SUGCT: variants seen among roughly 807,000 people sequenced by gnomAD.
The protein encoded by SUGCT is succinyl-CoA:glutarate-CoA transferase.
SUGCT carries 41 observed loss-of-function variants against 55.0 expected under a neutral mutation model. The ratio of observed to expected loss-of-function variants is 0.74; its 90% CI spans 0.58 to 0.97. The LOEUF (loss-of-function observed/expected upper bound fraction) is 0.97, where lower values mean the gene tolerates loss of function less well. Among genes scored for constraint, SUGCT ranks in the 50% least tolerant of loss-of-function variants. SUGCT has a pLI of 0.00. For synonymous variants in SUGCT, 187 were observed against 200.4 expected, an observed-to-expected ratio of 0.93 and a Z score of 0.56; for missense variants, 568 against 547.8, an observed-to-expected ratio of 1.04 and a Z score of -0.37.
chr7:40,291,798 G>T (rs1171419818), intron 8 of SUGCT, among the ~76,000 whole-genome samples: 1 of 152,102 alleles, frequency 6.6e-6, no homozygotes, highest in East Asian at 1.9e-4. Flanking sequence ...GATTAGAGGG[G>T]AGTCTTATAG....
rs530455909 is a variant in SUGCT at position 40,377,128 on chromosome 7, C to CTCTTTCTTTCTT, written c.816+60335_816+60346dup. 1.3e-3 allele frequency among the ~76,000 whole-genome samples: 8 copies of CTCTTTCTTTCTT among 6,324 alleles called. 1 individual carries two copies. Among genetic ancestry groups the CTCTTTCTTTCTT allele is most frequent in the African/African-American group, 2.1e-3 (8 of 3,882 alleles). 4.1% of individuals were successfully genotyped at this position (6,324 alleles called of 152,430 possible). ...CTTGGAAAGGAAATTTTCAGCCTTC[C>CTCTTTCTTTCTT]TCTTTCTTTCTTTCTTTCTTTCTTT... On this transcript the variant is annotated intron_variant, in intron 9 of 13. Transcript: ENST00000335693.
At chr7:40,562,210 A>G (rs1320323186) in intron 12 of SUGCT, among the ~76,000 whole-genome samples, 14 of 151,502 alleles carry the variant, frequency 9.2e-5, no homozygotes, top group Non-Finnish European at 2.1e-4. Context: ...GAGGCAGGAG[A>G]ATGGCGTGAG....
chr7:40,141,710 C>CTT (rs61007273), intron 1 of SUGCT: 6,705 of 150,080 alleles, frequency 0.045, 216 homozygotes, highest in Middle Eastern at 0.07. Context: ...AGAGGGAATT[C>CTT]TTTTTTTTTT....
At chr7:40,571,822 A>T (rs1796467188) in intron 12 of SUGCT, among the ~76,000 whole-genome samples, 1 of 152,204 alleles carries the variant, frequency 6.6e-6, no homozygotes, top group Admixed American at 6.5e-5. Context: ...TTATGTAGGA[A>T]TGTGTAAAAT....
At chr7:40,465,039 G>C (rs983140717) in intron 11 of SUGCT, among the ~76,000 whole-genome samples, 1 of 152,136 alleles carries the variant, frequency 6.6e-6, no homozygotes, top group African/African-American at 2.4e-5. Flanking sequence ...CCTAGTGAAG[G>C]CATTTGTAAA....
intron 9 of SUGCT, among the ~76,000 whole-genome samples, chr7:40,386,181 A>G (rs927477803): frequency 4.6e-5 from 7 of 152,334 alleles, no homozygotes; most frequent in African/African-American, 1.2e-4. Context: ...CCAGGAGTGC[A>G]CAGCTAGGAC....
the SUGCT span, among the ~76,000 whole-genome samples, chr7:40,867,913 C>T: frequency 2.6e-5 from 4 of 152,148 alleles, no homozygotes; most frequent in African/African-American, 9.7e-5. Context: ...TTGTGGGTAT[C>T]GTAGTCACTA....
At chr7:40,912,721 A>G in the SUGCT span, among the ~76,000 whole-genome samples, 2 of 150,742 alleles carry the variant, frequency 1.3e-5, no homozygotes, top group Admixed American at 6.7e-5. Context: ...ACTACATGAC[A>G]CAGTAGTCTG....
At chr7:40,195,708 CTTTTTTTT>C (rs928397687) in intron 6 of SUGCT, among the ~76,000 whole-genome samples, 5 of 69,404 alleles carry the variant, frequency 7.2e-5, no homozygotes, top group African/African-American at 1.2e-4. Flanking sequence ...GAAAACAATT[CTTTTTTTT>C]TTTTTTTTTT....
chr7:40,937,819 G>A, the SUGCT span, among the ~76,000 whole-genome samples: 3 of 151,934 alleles, frequency 2.0e-5, no homozygotes, highest in African/African-American at 7.2e-5. Context: ...ATACACTAAC[G>A]GTCCCCAACC....
At chr7:40,643,627 C>T (rs925141962) in intron 12 of SUGCT, among the ~76,000 whole-genome samples, 1 of 152,206 alleles carries the variant, frequency 6.6e-6, no homozygotes, top group East Asian at 1.9e-4. Context: ...AATCTCTAGG[C>T]CTTCTCCTAG....
At chr7:40,571,005 A>G (rs10429076) in intron 12 of SUGCT, among the ~76,000 whole-genome samples, 38,878 of 151,402 alleles carry the variant, frequency 0.26, 7,041 homozygotes, top group African/African-American at 0.51. Flanking sequence ...GATTACAGGC[A>G]CCTGCCACAG....
At chr7:40,224,790 G>A (rs990674284) in intron 6 of SUGCT, among the ~76,000 whole-genome samples, 3 of 152,124 alleles carry the variant, frequency 2.0e-5, no homozygotes, top group African/African-American at 7.2e-5. Context: ...AGATCAGACC[G>A]GACCTCTTTT....
intron 1 of SUGCT, among the ~76,000 whole-genome samples, chr7:40,179,224 C>G (rs1785065404): frequency 6.6e-6 from 1 of 152,046 alleles, no homozygotes; most frequent in Admixed American, 6.6e-5. Flanking sequence ...ACAAACCACT[C>G]CAAAACTTAG....
At chr7:40,156,321 G>A (rs956818352) in intron 1 of SUGCT, among the ~76,000 whole-genome samples, 2 of 152,070 alleles carry the variant, frequency 1.3e-5, no homozygotes, top group Non-Finnish European at 1.5e-5. Context: ...AAATTAGCCC[G>A]GCGTGGTGAA....
chr7:40,202,039 T>C (rs1786637532), intron 6 of SUGCT, among the ~76,000 whole-genome samples: 1 of 152,146 alleles, frequency 6.6e-6, no homozygotes, highest in Non-Finnish European at 1.5e-5. Context: ...AGTGGTGCGA[T>C]CTCGGCTCAC....
At chr7:40,455,651 A>G (rs1348660888) in intron 10 of SUGCT, among the ~76,000 whole-genome samples, 9 of 152,218 alleles carry the variant, frequency 5.9e-5, no homozygotes, top group Non-Finnish European at 2.9e-5. Context: ...CAGAGGGAAG[A>G]TCAGATGATC....
chr7:40,910,430 GC>G, the SUGCT span, among the ~76,000 whole-genome samples: 2 of 152,148 alleles, frequency 1.3e-5, no homozygotes, highest in African/African-American at 4.8e-5. Context: ...AAGAGATATT[GC>G]AAGGCCTGCC....
chr7:40,860,280 A>G (rs1584552514), intron 13 of SUGCT, 36 bp from the exon 14 acceptor site: 3 of 1,613,658 alleles, frequency 1.9e-6, no homozygotes, highest in South Asian at 1.1e-5. Context: ...AGGGTTAGTC[A>G]TTAACAGGCT....
Sources: allele counts gnomAD v4.1 joint callset (sites outside exome capture counted in the v4.1 genomes callset), GRCh38; gene constraint gnomAD v4.1.1; transcripts MANE v1.5; gene names NCBI Gene and HGNC (gene_info 2026-07-23, HGNC 2026-07-21).